The following ROBO2 variants were observed in gnomAD, a reference collection of about 807,000 sequenced individuals.
ROBO2 encodes the protein roundabout guidance receptor 2.
A neutral mutation model predicts 160.8 loss-of-function variants in ROBO2; 53 were observed. That is an observed-to-expected ratio of 0.33 (90% CI 0.26 to 0.41). The LOEUF is 0.41. Ranked by LOEUF, ROBO2 falls within the 10% of genes least tolerant of loss-of-function variation. The pLI, the probability that ROBO2 is intolerant of heterozygous loss-of-function variation, is 1.00. For missense variants in ROBO2, 1,577 were observed against 1,722.4 expected, an observed-to-expected ratio of 0.92 and a Z score of 1.49; for synonymous variants, 664 against 611.7, an observed-to-expected ratio of 1.09 and a Z score of -1.26.
intron 2 of ROBO2, among the ~76,000 whole-genome samples, chr3:76,336,220 C>A (rs577481148): frequency 8.7e-6 from 1 of 114,644 alleles, no homozygotes; most frequent in Non-Finnish European, 2.0e-5. Context: ...ACTGTATGTA[C>A]GTAGCAAGAA....
intron 2 of ROBO2, among the ~76,000 whole-genome samples, chr3:76,658,108 AT>A (rs1227984724): frequency 3.2e-4 from 46 of 143,768 alleles, no homozygotes; most frequent in Non-Finnish European, 5.2e-4. Flanking sequence ...AAATAAATAA[AT>A]AAATAAAATA....
intron 2 of ROBO2, among the ~76,000 whole-genome samples, chr3:76,815,413 GTCA>G (rs2065575498): frequency 6.7e-6 from 1 of 150,142 alleles, no homozygotes; most frequent in African/African-American, 2.5e-5. Flanking sequence ...CCTGCTCCCA[GTCA>G]ACAGCAAGAA....
intron 19 of ROBO2, among the ~76,000 whole-genome samples, chr3:77,601,328 CAG>C (rs1160187886): frequency 6.6e-6 from 1 of 152,046 alleles, no homozygotes; most frequent in Non-Finnish European, 1.5e-5. Context: ...GGATTAAAAA[CAG>C]TGTTATTTAG....
At chr3:76,408,701 G>A (rs1453271075) in intron 2 of ROBO2, among the ~76,000 whole-genome samples, 2 of 152,044 alleles carry the variant, frequency 1.3e-5, no homozygotes, top group Non-Finnish European at 2.9e-5. Flanking sequence ...ATGGCAGAGA[G>A]GGATAGTTAA....
At chr3:76,929,545 A>G (rs758085033) in intron 2 of ROBO2, among the ~76,000 whole-genome samples, 41 of 152,306 alleles carry the variant, frequency 2.7e-4, no homozygotes, top group South Asian at 6.2e-4. Context: ...TAGATTTCCA[A>G]TTGTTCTCCC....
At chr3:76,406,283 T>A (rs2078119313) in intron 2 of ROBO2, among the ~76,000 whole-genome samples, 1 of 151,854 alleles carries the variant, frequency 6.6e-6, no homozygotes, top group Admixed American at 6.6e-5. Context: ...TTGTGAAACA[T>A]CCACAGTGAG....
chr3:76,316,469 T>C (rs76030177), intron 2 of ROBO2, among the ~76,000 whole-genome samples: 1 of 151,170 alleles, frequency 6.6e-6, no homozygotes. Flanking sequence ...TGCCCAACCC[T>C]GCAGGCAGTC....
intron 2 of ROBO2, among the ~76,000 whole-genome samples, chr3:77,278,935 T>G (rs2060066421): frequency 6.6e-6 from 1 of 152,094 alleles, no homozygotes; most frequent in Non-Finnish European, 1.5e-5. Context: ...TGGTAACAGC[T>G]GGCATTAGTT....
intron 2 of ROBO2, among the ~76,000 whole-genome samples, chr3:76,149,279 C>G (rs528494314): frequency 1.3e-5 from 2 of 152,214 alleles, no homozygotes; most frequent in African/African-American, 4.8e-5. Flanking sequence ...AAATGTGTAT[C>G]AGAACATTAT....
intron 2 of ROBO2, among the ~76,000 whole-genome samples, chr3:77,415,478 G>T (rs2077140826): frequency 6.6e-6 from 1 of 152,150 alleles, no homozygotes; most frequent in Non-Finnish European, 1.5e-5. Context: ...ATATAATAAG[G>T]AAGTGACAAT....
chr3:77,491,676 C>A (rs1339865901), intron 4 of ROBO2, among the ~76,000 whole-genome samples: 2 of 152,154 alleles, frequency 1.3e-5, no homozygotes, highest in South Asian at 2.1e-4. Flanking sequence ...CGTCTAAAAT[C>A]TTTAGATGCA....
At chr3:76,905,710 A>G (rs143059511) in intron 2 of ROBO2, among the ~76,000 whole-genome samples, 160 of 152,288 alleles carry the variant, frequency 1.1e-3, no homozygotes, top group African/African-American at 3.7e-3. Flanking sequence ...AAATATAATG[A>G]GAATCTTTTG....
intron 2 of ROBO2, among the ~76,000 whole-genome samples, chr3:77,412,543 A>G (rs1370709436): frequency 1.3e-5 from 2 of 152,198 alleles, no homozygotes; most frequent in East Asian, 3.8e-4. Context: ...TTCATCTGCT[A>G]CTTTTCTGAT....
At chr3:77,105,156 T>C (rs2072617028) in intron 2 of ROBO2, among the ~76,000 whole-genome samples, 1 of 152,200 alleles carries the variant, frequency 6.6e-6, no homozygotes, top group Admixed American at 6.5e-5. Flanking sequence ...AATGAACAAT[T>C]ATACTAGAAG....
chr3:76,011,439 A>G (rs2066191497), intron 2 of ROBO2, among the ~76,000 whole-genome samples: 1 of 152,046 alleles, frequency 6.6e-6, no homozygotes, highest in Admixed American at 6.6e-5. Context: ...CTCACCCCCA[A>G]AATTGAAGTG....
chr3:76,286,336 T>C lies in ROBO2; in HGVS notation c.109+348734T>C, dbSNP rs112433615. On this transcript the variant is annotated intron_variant, in intron 2 of 26. Coordinates refer to the ROBO2 transcript ENST00000487694. ...GAAAACATGAAGTAGAATGGTGTGG[T>C]CAATGAACTGCATAGAGTTAGTGGG... Among the ~76,000 whole-genome samples, 95 of 152,302 alleles carry C rather than the reference T, an allele frequency of 6.2e-4. 1 individual carries two copies. The highest frequency in any genetic ancestry group is 1.9e-3 in the African/African-American group (81 of 41,580).
chr3:76,959,639 T>G (rs1055865678), intron 2 of ROBO2, among the ~76,000 whole-genome samples: 1 of 152,144 alleles, frequency 6.6e-6, no homozygotes, highest in African/African-American at 2.4e-5. Context: ...ATGATACGAG[T>G]GCATCCCAGC....
intron 2 of ROBO2, among the ~76,000 whole-genome samples, chr3:76,104,461 G>A (rs1011259919): frequency 6.6e-6 from 1 of 152,268 alleles, no homozygotes; most frequent in Admixed American, 6.5e-5. Context: ...ATAAGCAACT[G>A]TGGCTTTGTC....
At chr3:77,287,592 A>T (rs1341832741) in intron 2 of ROBO2, among the ~76,000 whole-genome samples, 1 of 152,160 alleles carries the variant, frequency 6.6e-6, no homozygotes, top group African/African-American at 2.4e-5. Context: ...TGAGAAGAAA[A>T]CTTAAGGAAA....
Sources: allele counts gnomAD v4.1 joint callset (sites outside exome capture counted in the v4.1 genomes callset), GRCh38; gene constraint gnomAD v4.1.1; transcripts MANE v1.5; gene names NCBI Gene and HGNC (gene_info 2026-07-23, HGNC 2026-07-21).